Variants in ANKLE2 observed in about 807,000 individuals in gnomAD.
ANKLE2 encodes ankyrin repeat and LEM domain-containing protein 2.
In ANKLE2, 55 loss-of-function variants were observed where a neutral mutation model predicts 84.2. The ratio of observed to expected loss-of-function variants is 0.65; its 90% CI spans 0.53 to 0.82. The LOEUF is 0.82. ANKLE2 is among the 40% of genes least tolerant of loss of function. The pLI, the probability that ANKLE2 is intolerant of heterozygous loss-of-function variation, is 0.00. For missense variants in ANKLE2, 1,238 were observed against 1,201.9 expected (o/e 1.03, Z -0.44); for synonymous variants, 551 against 486.1 (o/e 1.13, Z -1.76).
rs2044633093 is a variant in ANKLE2 at position 132,761,787 on chromosome 12, C to T, written c.12G>A (p.Pro4=). The T allele has an allele frequency of 1.1e-5, 13 of 1,139,910 alleles. No individual in the cohort carries two copies. The highest frequency in any genetic ancestry group is 1.4e-5 in the Non-Finnish European group (13 of 931,222). The allele number at this position is 1,139,910 out of a possible 1,614,324, so 70.6% of individuals were successfully genotyped here. Residue 4 remains proline (P), a synonymous_variant, in exon 1 of 13, where the codon CCG becomes CCA. Coordinates refer to ENST00000357997, the MANE Select transcript of ANKLE2 (RefSeq NM_015114.3). MLW[P]RLAAAEWAAL... is the part of the protein sequence containing the mutation. ...CCGCCCACTCGGCCGCCGCCAGCCG[C>T]GGCCACAGCATCGCCGCCGCCCGGG...
intron 10 of ANKLE2, among the ~76,000 whole-genome samples, chr12:132,733,165 T>C (rs1220860106): frequency 6.8e-6 from 1 of 146,830 alleles, no homozygotes; most frequent in African/African-American, 2.5e-5. Context: ...ATATGCACCG[T>C]GTGAAGCTCT....
chr12:132,756,734 T>C (rs1218641609), intron 1 of ANKLE2: 3 of 151,782 alleles, frequency 2.0e-5, no homozygotes, highest in Admixed American at 6.6e-5. Context: ...GAGACCAGCC[T>C]GGCCAAGATG....
chr12:132,748,853 T>TTATATATATATATATA, intron 3 of ANKLE2: 1 of 121,696 alleles, frequency 8.2e-6, no homozygotes, highest in Non-Finnish European at 1.8e-5. Flanking sequence ...CACGCCTGGC[T>TTATATATATATATATA]TATATACATA....
Position 132,748,034 on chromosome 12 carries a change from G to C in ANKLE2, c.1042-14C>G, listed in dbSNP as rs761129809. ...CCTGCACCCTTCCTGAAAGAGAACC[G>C]CATGCTCTGAGCTTCCTATCTGATG... On this transcript the variant is annotated splice_polypyrimidine_tract_variant and intron_variant, in intron 4 of 12. Coordinates refer to ENST00000357997, the MANE Select transcript of ANKLE2 (RefSeq NM_015114.3). The C allele has an allele frequency of 2.5e-6, 4 of 1,596,530 alleles. No individual in the cohort carries two copies. In the African/African-American group the frequency reaches 5.4e-5, roughly 22 times the overall value.
Position 132,734,405 on chromosome 12 carries a change from C to T in ANKLE2, c.1871G>A (p.Arg624Gln), listed in dbSNP as rs2043962790. 1.2e-5 allele frequency: 19 copies of T among 1,614,088 alleles called. No individual in the cohort carries two copies. The highest frequency in any genetic ancestry group is 1.6e-4 in the Middle Eastern group (1 of 6,062). ...QETGEREASC[R>Q]DKATTSGSNS... The stretch of plus-strand genomic sequence containing the variant: ...CTTACCAGACGTGGTGGCTTTATCT[C>T]GGCAGGAGGCTTCCCGTTCTCCTGT... The change falls in exon 10 of 13, where the codon CGA (arginine) becomes CAA (glutamine). Residue 624 changes from arginine to glutamine, a missense_variant. Arg to Gln is a conservative substitution (Grantham distance 43, BLOSUM62 1). Coordinates refer to ENST00000357997, the MANE Select transcript of ANKLE2 (RefSeq NM_015114.3).
intron 3 of ANKLE2, 51 bp from the exon 4 acceptor site, chr12:132,748,382 T>G (rs889243549): frequency 4.4e-6 from 7 of 1,599,986 alleles, no homozygotes; most frequent in Non-Finnish European, 6.0e-6. Flanking sequence ...CAAAAGTCAC[T>G]CATCACCCAT....
rs771935828 is a variant in ANKLE2, at chr12:132,750,868, A to C, written c.641-19T>G. The C allele has an allele frequency of 6.2e-7, 1 of 1,610,018 alleles. No individual in the cohort carries two copies. Among genetic ancestry groups the C allele is most frequent in the Non-Finnish European group, 8.5e-7 (1 of 1,177,380 alleles). ...ATCCTTTCTGGGTAAGAAAAGTAAC[A>C]AATGAAAATCAGAGAAGAGTGACTG... On this transcript the variant is annotated intron_variant, in intron 2 of 12. Transcript: ENST00000357997.
At chr12:132,754,164 C>A (rs1255562569) in intron 2 of ANKLE2, among the ~76,000 whole-genome samples, 1 of 152,162 alleles carries the variant, frequency 6.6e-6, no homozygotes, top group Non-Finnish European at 1.5e-5. Context: ...ATCGCTTAAA[C>A]TGGGAGGGGA....
At chr12:132,733,941 C>T (rs935932741) in intron 10 of ANKLE2, 3 of 456,966 alleles carry the variant, frequency 6.6e-6, no homozygotes, top group East Asian at 6.9e-5. Flanking sequence ...CTGCTCAAAG[C>T]GATGCCATTA....
chr12:132,728,262 C>T, intron 11 of ANKLE2, 99 bp from the exon 12 acceptor site: 1 of 1,455,242 alleles, frequency 6.9e-7, no homozygotes, highest in South Asian at 1.2e-5. Context: ...CGGAGTCTTG[C>T]TCTGTCGCCC....
Position 132,761,648 on chromosome 12 carries a change from G to A in ANKLE2, c.151C>T (p.Pro51Ser), listed in dbSNP as rs1428383686. 44 of 1,271,652 alleles carry A rather than the reference G, an allele frequency of 3.5e-5. No homozygotes were observed. The Admixed American group carries it at 1.7e-3, about 50-fold the overall frequency. The allele number at this position is 1,271,652 out of a possible 1,614,324, so 78.8% of individuals were successfully genotyped here. The part of the protein sequence containing the change: ...GLGRSGTPVP[P>S]PSAAAAPASG... ...GCGGGGGCGGCGGCCGCGCTTGGCGGAGGAACTGGGGTCCCGCTGCGGCCC... is the reference window on the plus strand; with the variant it reads ...GCGGGGGCGGCGGCCGCGCTTGGCGAAGGAACTGGGGTCCCGCTGCGGCCC... The change falls in exon 1 of 13, where the codon CCG becomes TCG. Residue 51 changes from proline to serine, a missense_variant. Pro to Ser is a moderately conservative substitution (Grantham distance 74). Coordinates refer to ENST00000357997, the MANE Select transcript of ANKLE2 (RefSeq NM_015114.3).
chr12:132,760,253 A>T (rs2044597781), intron 1 of ANKLE2: 1 of 152,082 alleles, frequency 6.6e-6, no homozygotes, highest in Non-Finnish European at 1.5e-5. Context: ...GACAATTTAG[A>T]GTAAAAACAA....
At chr12:132,736,822 G>C in intron 8 of ANKLE2, 71 bp downstream of exon 8, 1 of 1,496,624 alleles carries the variant, frequency 6.7e-7, no homozygotes, top group Non-Finnish European at 9.0e-7. Flanking sequence ...CAAGGCAACA[G>C]GCTGGAACAC....
chr12:132,730,455 C>T (rs2043818477), intron 10 of ANKLE2, 185 bp from the exon 11 acceptor site: 1 of 578,554 alleles, frequency 1.7e-6, no homozygotes, highest in Non-Finnish European at 2.9e-6. Flanking sequence ...CCAAAACCTC[C>T]TCATCAGATT....
At chr12:132,736,014 C>G (rs372069578) in intron 8 of ANKLE2, among the ~76,000 whole-genome samples, 1 of 152,114 alleles carries the variant, frequency 6.6e-6, no homozygotes, top group Admixed American at 6.5e-5. Context: ...TGCAGTGGTA[C>G]GATCTCGGCT....
At position 132,725,546 on chromosome 12, in the gene ANKLE2, A is replaced by AC. The variant is rs2043685374; in HGVS notation, c.*1695dup. On this transcript the variant is annotated 3_prime_UTR_variant, in exon 13 of 13. Coordinates refer to ENST00000357997, the MANE Select transcript of ANKLE2 (RefSeq NM_015114.3). ...CATTAAGTGTTTTGTGAAGGACATAACCCCCCGGGACACACGAGAATGCCT... is the reference window on the plus strand; with the variant it reads ...CATTAAGTGTTTTGTGAAGGACATAACCCCCCCGGGACACACGAGAATGCCT... The AC allele has an allele frequency of 6.6e-6, 1 of 152,052 alleles. No individual in the cohort carries two copies. Among genetic ancestry groups the AC allele is most frequent in the Admixed American group, 6.6e-5 (1 of 15,258 alleles). 9.4% of individuals were successfully genotyped at this position (152,052 alleles called of 1,614,324 possible). A position where few individuals can be genotyped will look rare whatever the true frequency, so the allele number is the denominator to read the frequency against.
Position 132,730,094 on chromosome 12 carries a change from C to G in ANKLE2, c.2068G>C (p.Glu690Gln), listed in dbSNP as rs769893376. The change falls in exon 11 of 13, where the codon GAG (glutamate) becomes CAG (glutamine). Residue 690 changes from glutamate to glutamine, a missense_variant. Transcript: ENST00000357997. ...CTGCTGCTGTGTGGACCTCCCGGCT[C>G]GGCGGCTTCTATGAGGTCTGCCTCC... Reference protein sequence around the residue: ...EQEADLIEAAEPGGPHSSRNG... With the variant: ...EQEADLIEAAQPGGPHSSRNG... The G allele has an allele frequency of 6.2e-7, 1 of 1,612,274 alleles. No individual in the cohort carries two copies. Among genetic ancestry groups the G allele is most frequent in the Non-Finnish European group, 8.5e-7 (1 of 1,179,598 alleles).
Position 132,727,356 on chromosome 12 carries a change from G to A in ANKLE2, c.2703C>T (p.Ser901=), listed in dbSNP as rs749678773. The A allele has an allele frequency of 9.0e-6, 14 of 1,561,900 alleles. No homozygotes were observed. The highest frequency in any genetic ancestry group is 3.5e-5 in the South Asian group (3 of 84,770). Residue 901 remains serine (S), a synonymous_variant, in exon 13 of 13, where the codon AGC becomes AGT. Transcript: ENST00000357997. The part of the protein sequence containing the change: ...GPHSYSPGRN[S]VAGSNPAKPG... ...GCTTTGCGGGGTTGCTTCCAGCCACGCTGTTTCTCCCCGGACTGTAGCTGT... is the reference window on the plus strand; with the variant it reads ...GCTTTGCGGGGTTGCTTCCAGCCACACTGTTTCTCCCCGGACTGTAGCTGT...
chr12:132,742,031 G>C, intron 6 of ANKLE2: 1 of 335,238 alleles, frequency 3.0e-6, no homozygotes, highest in Non-Finnish European at 5.8e-6. Flanking sequence ...GGAAAGAAAG[G>C]AACCAGCCTA....
Sources: allele counts gnomAD v4.1 joint callset (sites outside exome capture counted in the v4.1 genomes callset), GRCh38; gene constraint gnomAD v4.1.1; transcripts MANE v1.5; gene names NCBI Gene and HGNC (gene_info 2026-07-23, HGNC 2026-07-21).